SIPA1L2: variants seen among roughly 807,000 people sequenced by gnomAD.
SIPA1L2 encodes the protein signal-induced proliferation-associated 1-like protein 2.
In SIPA1L2, 56 loss-of-function variants were observed where a neutral mutation model predicts 163.9. The observed-to-expected ratio is 0.34, with a 90% confidence interval of 0.28 to 0.43. SIPA1L2 has a LOEUF of 0.43. Ranked by LOEUF, SIPA1L2 falls within the 20% of genes least tolerant of loss-of-function variation. The pLI, the probability that SIPA1L2 is intolerant of heterozygous loss-of-function variation, is 1.00. For synonymous variants in SIPA1L2, 877 were observed against 865.7 expected (o/e 1.01, Z -0.23); for missense variants, 1,974 against 2,193.5 (o/e 0.90, Z 2.00).
chr1:232,566,818 T>C (rs1484542651), intron 2 of SIPA1L2, among the ~76,000 whole-genome samples: 1 of 152,238 alleles, frequency 6.6e-6, no homozygotes, highest in African/African-American at 2.4e-5. Flanking sequence ...CATTTGAGTG[T>C]GAGAATATGC....
intron 2 of SIPA1L2, among the ~76,000 whole-genome samples, chr1:232,542,114 C>T (rs1453563215): frequency 6.6e-6 from 1 of 152,218 alleles, no homozygotes; most frequent in East Asian, 1.9e-4. Context: ...CAGTATGATA[C>T]AGACAAATAG....
intron 2 of SIPA1L2, among the ~76,000 whole-genome samples, chr1:232,560,968 A>G (rs12730108): frequency 0.24 from 36,667 of 152,142 alleles, 4,647 homozygotes; most frequent in Middle Eastern, 0.32. Context: ...CCTTTTTCAA[A>G]GCATTAAACT....
chr1:232,573,641 G>A (rs1659926587), intron 2 of SIPA1L2, among the ~76,000 whole-genome samples: 2 of 152,240 alleles, frequency 1.3e-5, no homozygotes, highest in African/African-American at 4.8e-5. Context: ...GAGCACCTCT[G>A]CCTTTATTCT....
intron 2 of SIPA1L2, among the ~76,000 whole-genome samples, chr1:232,541,499 T>G (rs16857597): frequency 6.6e-6 from 1 of 152,196 alleles, no homozygotes; most frequent in African/African-American, 2.4e-5. Context: ...ATGAACCAGA[T>G]AGATAATTTA....
chr1:232,438,595 C>G (rs1270621479), intron 15 of SIPA1L2, among the ~76,000 whole-genome samples: 1 of 152,238 alleles, frequency 6.6e-6, no homozygotes, highest in Non-Finnish European at 1.5e-5. Context: ...ACTGAATGAA[C>G]CCCAGCTGCA....
rs1572940180 is a variant in SIPA1L2 at position 232,465,570 on chromosome 1, A to C, written c.2244-154T>G. Among the ~76,000 whole-genome samples, 1 of 151,838 alleles carries C rather than the reference A, an allele frequency of 6.6e-6. No individual in the cohort carries two copies. The highest frequency in any genetic ancestry group is 1.5e-5 in the Non-Finnish European group (1 of 67,984). ...CACATACACACACACTTTCAACTTA[A>C]CTGGTTTATTCTGCAAGTTCTTGTT... On this transcript the variant is annotated intron_variant, in intron 8 of 22. Coordinates refer to ENST00000674635, the MANE Select transcript of SIPA1L2 (RefSeq NM_020808.5). The surrounding 1 kb of genome is among the most constrained non-coding windows in gnomAD (Gnocchi z 4.1).
At chr1:232,549,311 A>C (rs572471031) in intron 2 of SIPA1L2, among the ~76,000 whole-genome samples, 1 of 152,308 alleles carries the variant, frequency 6.6e-6, no homozygotes, top group South Asian at 2.1e-4. Context: ...AGGACTCGAC[A>C]GCAGATGTTC....
rs141610996 is a variant in SIPA1L2 at position 232,440,406 on chromosome 1, C to A, written c.3642+885G>T. ...CAGATCCTTAAGCAAATCACCTTGACCTTTTCATCATACACTGATATTCTC... is the reference window on the plus strand; with the variant it reads ...CAGATCCTTAAGCAAATCACCTTGAACTTTTCATCATACACTGATATTCTC... On this transcript the variant is annotated intron_variant, in intron 14 of 22. Transcript: ENST00000674635. Among the ~76,000 whole-genome samples, 273 of 152,308 alleles carry A rather than the reference C, an allele frequency of 1.8e-3. 1 individual carries two copies. Among genetic ancestry groups the A allele is most frequent in the African/African-American group, 6.5e-3 (269 of 41,572 alleles).
chr1:232,486,208 G>A (rs12749460), intron 5 of SIPA1L2, among the ~76,000 whole-genome samples: 25,538 of 152,154 alleles, frequency 0.17, 2,411 homozygotes, highest in Non-Finnish European at 0.21. Flanking sequence ...GTCAAGCAGA[G>A]CCGTCACCAG....
chr1:232,607,620 C>A (rs1661996019), intron 1 of SIPA1L2, among the ~76,000 whole-genome samples: 1 of 152,116 alleles, frequency 6.6e-6, no homozygotes, highest in African/African-American at 2.4e-5. Context: ...AAACTGTCCC[C>A]ACTTCTCCTC....
At chr1:232,572,726 TATAC>T (rs59721044) in intron 2 of SIPA1L2, among the ~76,000 whole-genome samples, 26,375 of 78,998 alleles carry the variant, frequency 0.33, 4,567 homozygotes, top group African/African-American at 0.56. Context: ...TACACACATA[TATAC>T]ATACATACAT....
At chr1:232,523,604 G>A (rs1238180829) in intron 2 of SIPA1L2, among the ~76,000 whole-genome samples, 1 of 152,158 alleles carries the variant, frequency 6.6e-6, no homozygotes, top group Non-Finnish European at 1.5e-5. Context: ...AATGTTTAGT[G>A]ACAGTGGGTA....
chr1:232,522,623 G>A (rs936046945), intron 2 of SIPA1L2, among the ~76,000 whole-genome samples: 4 of 151,810 alleles, frequency 2.6e-5, no homozygotes, highest in African/African-American at 7.3e-5. Flanking sequence ...ATGGACCCTC[G>A]GCAAATATCC....
chr1:232,560,730 C>T (rs1025275493), intron 2 of SIPA1L2, among the ~76,000 whole-genome samples: 2 of 152,120 alleles, frequency 1.3e-5, no homozygotes, highest in East Asian at 3.9e-4. Context: ...CTAACATGAA[C>T]CAGAAATCAA....
intron 3 of SIPA1L2, among the ~76,000 whole-genome samples, chr1:232,494,718 C>T (rs1666091295): frequency 6.6e-6 from 1 of 152,174 alleles, no homozygotes; most frequent in South Asian, 2.1e-4. Flanking sequence ...TGGTCCAATA[C>T]ACAAAATAGT....
chr1:232,551,118 T>C (rs1658355547), intron 2 of SIPA1L2, among the ~76,000 whole-genome samples: 1 of 152,162 alleles, frequency 6.6e-6, no homozygotes. Flanking sequence ...TTCTCATCTG[T>C]AAAGAGTTAA....
chr1:232,478,063 T>C (rs553036883), intron 7 of SIPA1L2, among the ~76,000 whole-genome samples: 3 of 152,338 alleles, frequency 2.0e-5, no homozygotes, highest in African/African-American at 4.8e-5. Context: ...GCTGGACAAC[T>C]GTCCTGGTCT....
chr1:232,499,704 T>G (rs952554738), intron 3 of SIPA1L2, among the ~76,000 whole-genome samples: 3 of 152,210 alleles, frequency 2.0e-5, no homozygotes, highest in Non-Finnish European at 4.4e-5. Flanking sequence ...CAACACACTT[T>G]CAATACAGAT....
intron 2 of SIPA1L2, among the ~76,000 whole-genome samples, chr1:232,562,563 A>G (rs1204044490): frequency 2.0e-5 from 3 of 152,248 alleles, no homozygotes; most frequent in Non-Finnish European, 2.9e-5. Flanking sequence ...TTTTATAATG[A>G]GAATTTTTTT....
Sources: gnomAD v4.1 joint callset for allele counts (sites outside exome capture counted in the v4.1 genomes callset) on GRCh38, gnomAD v4.1.1 for gene constraint, Gnocchi (gnomAD v3.1) non-coding constraint, MANE v1.5 for transcripts, NCBI Gene and HGNC (gene_info 2026-07-23, HGNC 2026-07-21) for gene names.